Variants in SLCO1C1 observed in about 807,000 individuals in gnomAD.
The protein encoded by SLCO1C1 is solute carrier organic anion transporter family member 1C1, also known as OAT-RP-5.
A neutral mutation model predicts 76.4 loss-of-function variants in SLCO1C1; 70 were observed. The observed-to-expected ratio is 0.92, with a 90% CI of 0.76 to 1.12. The LOEUF is 1.12. Ranked by LOEUF, SLCO1C1 falls within the 50% of genes most tolerant of loss-of-function variation. The pLI is 0.00. For missense variants in SLCO1C1, 912 were observed against 823.8 expected, an observed-to-expected ratio of 1.11 and a Z score of -1.31; for synonymous variants, 306 against 286.1, an observed-to-expected ratio of 1.07 and a Z score of -0.70.
Position 20,750,840 on chromosome 12 carries a change from A to C in SLCO1C1, c.1916+48A>C, listed in dbSNP as rs1269260048. 5.0e-6 allele frequency: 8 copies of C among 1,613,940 alleles called. No homozygotes were observed. The East Asian group carries it at 1.8e-4, about 36-fold the overall frequency. Reference sequence around the variant, plus strand: ...GCATCTCATTGCTACAGCATCCCAGATTTACACAATGCCACTGACACTAAC... The same window carrying C: ...GCATCTCATTGCTACAGCATCCCAGCTTTACACAATGCCACTGACACTAAC... On this transcript the variant is annotated intron_variant, in intron 14 of 14. Coordinates refer to ENST00000266509, the MANE Select transcript of SLCO1C1 (RefSeq NM_017435.5).
At chr12:20,722,604 T>C (rs1329605393) in intron 8 of SLCO1C1, among the ~76,000 whole-genome samples, 1 of 152,136 alleles carries the variant, frequency 6.6e-6, no homozygotes, top group South Asian at 2.1e-4. Flanking sequence ...GGCTACATAA[T>C]AGGAAAAAGG....
chr12:20,725,071 TTATAA>T (rs1344912018), intron 9 of SLCO1C1, among the ~76,000 whole-genome samples: 2 of 129,154 alleles, frequency 1.5e-5, no homozygotes, highest in African/African-American at 5.6e-5. Flanking sequence ...ATTATATATA[TTATAA>T]TAAATTATAT....
At chr12:20,727,246 T>C (rs554073954) in intron 9 of SLCO1C1, among the ~76,000 whole-genome samples, 8 of 152,302 alleles carry the variant, frequency 5.3e-5, no homozygotes, top group Non-Finnish European at 1.0e-4. Flanking sequence ...CAAATGGTAG[T>C]TAAACTCTTA....
intron 4 of SLCO1C1, among the ~76,000 whole-genome samples, chr12:20,707,188 G>C (rs1169507125): frequency 6.6e-6 from 1 of 152,084 alleles, no homozygotes; most frequent in African/African-American, 2.4e-5. Flanking sequence ...ACTTCTGCCT[G>C]CTCTTTGGAC....
chr12:20,711,600 T>C, intron 5 of SLCO1C1, 90 bp downstream of exon 5: 2 of 1,425,708 alleles, frequency 1.4e-6, no homozygotes, highest in South Asian at 2.7e-5. Flanking sequence ...CTATGATTTT[T>C]GCTCCCAAAA....
intron 4 of SLCO1C1, among the ~76,000 whole-genome samples, 157 bp from the exon 5 acceptor site, chr12:20,711,229 C>T (rs901637213): frequency 2.0e-5 from 3 of 152,186 alleles, no homozygotes; most frequent in African/African-American, 2.4e-5. Context: ...ACCTCTTCAG[C>T]AAAATCTGCT....
chr12:20,725,231 G>T (rs1185803845), intron 9 of SLCO1C1, among the ~76,000 whole-genome samples: 2 of 135,108 alleles, frequency 1.5e-5, no homozygotes, highest in South Asian at 2.2e-4. Flanking sequence ...GTTAAAGAAA[G>T]AAAAAATACA....
chr12:20,707,799 G>C (rs758147107), intron 4 of SLCO1C1, among the ~76,000 whole-genome samples: 1 of 151,430 alleles, frequency 6.6e-6, no homozygotes, highest in South Asian at 2.1e-4. Context: ...GACAAATATC[G>C]AATACCCGTA....
chr12:20,718,612 A>AC (rs1471079888), intron 7 of SLCO1C1, among the ~76,000 whole-genome samples: 1 of 152,130 alleles, frequency 6.6e-6, no homozygotes, highest in African/African-American at 2.4e-5. Context: ...GAGGTTTCCA[A>AC]CGGGTTTGGA....
intron 7 of SLCO1C1, among the ~76,000 whole-genome samples, chr12:20,717,645 CT>C (rs1947432372): frequency 1.1e-5 from 1 of 87,504 alleles, no homozygotes; most frequent in Non-Finnish European, 2.2e-5. Context: ...CCAAACAGCC[CT>C]TCTTTTTTTT....
rs1949381582 is a variant in SLCO1C1, at chr12:20,753,025, A to G, written c.*497A>G. The G allele has an allele frequency of 1.3e-5, 2 of 152,156 alleles. No individual in the cohort carries two copies. The highest frequency in any genetic ancestry group is 4.1e-4 in the South Asian group (2 of 4,834). 9.4% of individuals were successfully genotyped at this position (152,156 alleles called of 1,614,324 possible). On this transcript the variant is annotated 3_prime_UTR_variant, in exon 15 of 15. Coordinates refer to ENST00000266509, the MANE Select transcript of SLCO1C1 (RefSeq NM_017435.5). ...TCTTAGGATGGAGCAGAACATGGAG[A>G]GGAAGATTTCATTTTAAGCTCCTCC...
chr12:20,752,534 T>C lies in SLCO1C1; in HGVS notation c.*6T>C. 6.4e-7 allele frequency: 1 copy of C among 1,572,446 alleles called. No individual in the cohort carries two copies. The highest frequency in any genetic ancestry group is 1.4e-5 in the African/African-American group (1 of 73,412). On this transcript the variant is annotated 3_prime_UTR_variant, in exon 15 of 15. Transcript: ENST00000266509. ...GCAAGGAAACTCAACTTTAGAAACA[T>C]GATGACTGGAAGTCATGTCTTCTAA...
intron 11 of SLCO1C1, among the ~76,000 whole-genome samples, chr12:20,737,665 A>C (rs1467517173): frequency 2.0e-5 from 3 of 152,122 alleles, no homozygotes. Context: ...AATAGAGGCC[A>C]GTATTAGGAG....
At chr12:20,722,105 G>T in intron 8 of SLCO1C1, 56 bp downstream of exon 8, 1 of 1,549,012 alleles carries the variant, frequency 6.5e-7, no homozygotes, top group Non-Finnish European at 8.7e-7. Flanking sequence ...GGCTTAAGGA[G>T]ATTTATAAAT....
intron 4 of SLCO1C1, among the ~76,000 whole-genome samples, chr12:20,709,248 A>G (rs948887867): frequency 1.8e-4 from 28 of 152,228 alleles, no homozygotes; most frequent in African/African-American, 6.8e-4. Context: ...CAATAGGTAC[A>G]GACCACATCC....
intron 12 of SLCO1C1, among the ~76,000 whole-genome samples, chr12:20,741,046 G>A (rs11045425): frequency 0.14 from 20,795 of 151,744 alleles, 1,438 homozygotes; most frequent in African/African-American, 0.17. Context: ...AGTGGGGGAA[G>A]AGGAAACAAA....
At chr12:20,712,672 T>C (rs936655811) in intron 5 of SLCO1C1, among the ~76,000 whole-genome samples, 4 of 152,178 alleles carry the variant, frequency 2.6e-5, no homozygotes, top group African/African-American at 9.7e-5. Context: ...TCTTATCTAT[T>C]CCACAAGACC....
intron 2 of SLCO1C1, chr12:20,700,339 T>C (rs551825216): frequency 1.3e-5 from 2 of 152,174 alleles, no homozygotes; most frequent in Non-Finnish European, 2.9e-5. Context: ...CTTTTTCATA[T>C]ACCTGTTGGC....
At chr12:20,722,882 C>A (rs1947749785) in intron 8 of SLCO1C1, among the ~76,000 whole-genome samples, 1 of 152,106 alleles carries the variant, frequency 6.6e-6, no homozygotes, top group African/African-American at 2.4e-5. Flanking sequence ...GAAATGAGTG[C>A]CTATGTCTGG....
Sources: allele counts gnomAD v4.1 joint callset (sites outside exome capture counted in the v4.1 genomes callset), GRCh38; gene constraint gnomAD v4.1.1; transcripts MANE v1.5; gene names NCBI Gene and HGNC (gene_info 2026-07-23, HGNC 2026-07-21).